ADGRL3: variants seen among roughly 807,000 people sequenced by gnomAD.
The protein encoded by ADGRL3 is calcium-independent alpha-latrotoxin receptor 3.
ADGRL3 carries 62 observed loss-of-function variants against 153.5 expected under a neutral mutation model. That is an observed-to-expected ratio of 0.40 (90% CI 0.33 to 0.50). The LOEUF (loss-of-function observed/expected upper bound fraction) is 0.50. Among genes scored for constraint, ADGRL3 ranks in the 20% least tolerant of loss-of-function variants. The probability of loss-of-function intolerance (pLI) is 0.47; values close to 1 mark genes in which losing one functional copy is unlikely to be tolerated. For missense variants in ADGRL3, 1,641 were observed against 1,859.4 expected (o/e 0.88, Z 2.16); for synonymous variants, 710 against 672.5 (o/e 1.06, Z -0.86).
rs141518499 is a variant in ADGRL3, at chr4:61,395,850, T to G, written c.-174+12661T>G. 3.5e-3 allele frequency among the ~76,000 whole-genome samples: 526 copies of G among 152,042 alleles called. 8 individuals carry two copies. The highest frequency in any genetic ancestry group is 0.011 in the African/African-American group (475 of 41,538). ...TAATATAAAACAATTTGGAAAATTT[T>G]GATATGGAGGGGAATAGCTGAACTG... On this transcript the variant is annotated intron_variant, in intron 2 of 26. Coordinates refer to ENST00000683033, the MANE Select transcript of ADGRL3 (RefSeq NM_001387552.1).
intron 1 of ADGRL3, among the ~76,000 whole-genome samples, chr4:61,332,309 T>C (rs1224055507): frequency 6.6e-6 from 1 of 152,098 alleles, no homozygotes; most frequent in Non-Finnish European, 1.5e-5. Context: ...CACTGACAAA[T>C]TGATTTCTTC....
chr4:61,914,471 T>C (rs1483924732), intron 13 of ADGRL3, among the ~76,000 whole-genome samples: 1 of 152,030 alleles, frequency 6.6e-6, no homozygotes, highest in Non-Finnish European at 1.5e-5. Flanking sequence ...TGTGTAGGTT[T>C]GATAAAGAGT....
At chr4:61,799,039 ACCATATATTGTATAGT>A (rs2097455105) in intron 8 of ADGRL3, among the ~76,000 whole-genome samples, 1 of 107,418 alleles carries the variant, frequency 9.3e-6, no homozygotes, top group African/African-American at 4.0e-5. Context: ...ATATATATAT[ACCATATATTGTATAGT>A]TATACAGTGG....
chr4:61,808,026 T>A (rs2097569891), intron 8 of ADGRL3, among the ~76,000 whole-genome samples: 1 of 152,142 alleles, frequency 6.6e-6, no homozygotes, highest in Non-Finnish European at 1.5e-5. Context: ...CTGTCCCCCA[T>A]ACACTGCCAC....
rs1420312243 is a variant in ADGRL3 at position 61,406,750 on chromosome 4, A to G, written c.-174+23561A>G. Among the ~76,000 whole-genome samples, 3 of 152,020 alleles carry G rather than the reference A, an allele frequency of 2.0e-5. No individual in the cohort carries two copies. The East Asian group carries it at 5.8e-4, about 29-fold the overall frequency. On this transcript the variant is annotated intron_variant, in intron 2 of 26. Transcript: ENST00000683033. ...GATATTTTAACTGTAATGTGTTTGT[A>G]CAAGAAAAATATTCTGTACAACTTA...
At chr4:61,372,508 C>T (rs548526188) in intron 1 of ADGRL3, among the ~76,000 whole-genome samples, 24 of 152,126 alleles carry the variant, frequency 1.6e-4, no homozygotes, top group Non-Finnish European at 2.6e-4. Context: ...GTCAGTGTGC[C>T]CCTGCTCATG....
At chr4:61,336,534 G>T (rs1337028977) in intron 1 of ADGRL3, among the ~76,000 whole-genome samples, 1 of 152,124 alleles carries the variant, frequency 6.6e-6, no homozygotes, top group Non-Finnish European at 1.5e-5. Flanking sequence ...GCAGTCAAGA[G>T]CATGGAGGTT....
chr4:61,473,565 T>C (rs192884624), intron 2 of ADGRL3, among the ~76,000 whole-genome samples: 2 of 151,960 alleles, frequency 1.3e-5, no homozygotes, highest in Non-Finnish European at 2.9e-5. Context: ...CTTTTCCATA[T>C]GTAAAAGTGA....
rs1560664748 is a variant in ADGRL3 at position 61,456,427 on chromosome 4, ATCTATATATATAGATATATCTATATC to A, written c.-173-40692_-173-40667del. ...TCTATATATATATAGATATATCTATATCTATATATATAGATATATCTATATCTATATATATAGATATATCTATATCT... is the reference window on the plus strand; with the variant it reads ...TCTATATATATATAGATATATCTATATATATATATAGATATATCTATATCT... On this transcript the variant is annotated intron_variant, in intron 2 of 26. Transcript: ENST00000683033. Among the ~76,000 whole-genome samples the A allele has an allele frequency of 1.4e-4, 8 of 55,494 alleles. No individual in the cohort carries two copies. The East Asian group carries it at 5.4e-3, about 38-fold the overall frequency. The allele number at this position is 55,494 out of a possible 152,430, so 36.4% of individuals were successfully genotyped here. A position where few individuals can be genotyped will look rare whatever the true frequency, so the allele number is the denominator to read the frequency against.
At chr4:61,406,370 C>A (rs2096996269) in intron 2 of ADGRL3, among the ~76,000 whole-genome samples, 1 of 151,718 alleles carries the variant, frequency 6.6e-6, no homozygotes, top group African/African-American at 2.4e-5. Flanking sequence ...TGACTTAATT[C>A]TCATAATTAA....
At chr4:61,218,148 G>GT (rs1743729697) in intron 1 of ADGRL3, among the ~76,000 whole-genome samples, 1 of 152,078 alleles carries the variant, frequency 6.6e-6, no homozygotes, top group South Asian at 2.1e-4. Context: ...TTTTAAAAAT[G>GT]TTTTTTGTTT....
intron 5 of ADGRL3, among the ~76,000 whole-genome samples, chr4:61,616,152 A>ATAAG (rs2091979250): frequency 6.6e-6 from 1 of 152,166 alleles, no homozygotes; most frequent in African/African-American, 2.4e-5. Context: ...ATGAATTTGA[A>ATAAG]TAAGTTATTT....
At chr4:61,642,223 C>T (rs2093713801) in intron 5 of ADGRL3, among the ~76,000 whole-genome samples, 2 of 151,548 alleles carry the variant, frequency 1.3e-5, no homozygotes, top group South Asian at 4.2e-4. Context: ...AAAATTTTCT[C>T]CCATTTTGTA....
At chr4:61,916,460 A>G (rs2098745556) in intron 13 of ADGRL3, among the ~76,000 whole-genome samples, 1 of 151,748 alleles carries the variant, frequency 6.6e-6, no homozygotes, top group African/African-American at 2.4e-5. Context: ...CATAGTGAAA[A>G]CCATGTCTCT....
chr4:61,627,718 G>T (rs2149960088), intron 5 of ADGRL3, among the ~76,000 whole-genome samples: 1 of 152,260 alleles, frequency 6.6e-6, no homozygotes, highest in East Asian at 1.9e-4. Flanking sequence ...TTACAAAATA[G>T]AATAAATGGT....
intron 1 of ADGRL3, among the ~76,000 whole-genome samples, chr4:61,296,699 T>C (rs2094424438): frequency 6.6e-6 from 1 of 152,182 alleles, no homozygotes; most frequent in African/African-American, 2.4e-5. Context: ...CATTTGGAAA[T>C]GAAGACTCTC....
chr4:61,452,750 A>G (rs2097690496), intron 2 of ADGRL3, among the ~76,000 whole-genome samples: 1 of 152,182 alleles, frequency 6.6e-6, no homozygotes, highest in South Asian at 2.1e-4. Flanking sequence ...CATTTGTGAT[A>G]TATAAATTCT....
At chr4:61,462,590 A>G (rs1485985924) in intron 2 of ADGRL3, among the ~76,000 whole-genome samples, 2 of 152,100 alleles carry the variant, frequency 1.3e-5, no homozygotes, top group South Asian at 2.1e-4. Context: ...TGATGACTTG[A>G]TCGTGCTACT....
chr4:61,461,392 A>G (rs2152587738), intron 2 of ADGRL3, among the ~76,000 whole-genome samples: 1 of 152,300 alleles, frequency 6.6e-6, no homozygotes. Flanking sequence ...TTCTCAATAC[A>G]AAGAAATAAT....
Sources: allele counts gnomAD v4.1 joint callset (sites outside exome capture counted in the v4.1 genomes callset), GRCh38; gene constraint gnomAD v4.1.1; transcripts MANE v1.5; gene names NCBI Gene and HGNC (gene_info 2026-07-23, HGNC 2026-07-21).